RAB1B: variants seen among roughly 807,000 people sequenced by gnomAD.
The protein encoded by RAB1B is ras-related protein Rab-1B.
A neutral mutation model predicts 24.8 loss-of-function variants in RAB1B; 10 were observed. The observed-to-expected ratio is 0.40, with a 90% CI of 0.25 to 0.68. The LOEUF (loss-of-function observed/expected upper bound fraction) is 0.68, where lower values mean the gene tolerates loss of function less well. RAB1B is among the 30% of genes least tolerant of loss of function. RAB1B has a pLI of 0.37. For synonymous variants in RAB1B, 99 were observed against 111.7 expected, an observed-to-expected ratio of 0.89 and a Z score of 0.72; for missense variants, 154 against 271.2, an observed-to-expected ratio of 0.57 and a Z score of 3.04.
intron 4 of RAB1B, 114 bp downstream of exon 4, chr11:66,272,574 G>A (rs1280773605): frequency 2.8e-6 from 2 of 719,278 alleles, no homozygotes; most frequent in Non-Finnish European, 4.6e-6. Context: ...GACACTATTT[G>A]TCTGCTTACA....
chr11:66,272,521 T>G (rs1001690799), intron 4 of RAB1B, 61 bp downstream of exon 4: 1 of 1,082,300 alleles, frequency 9.2e-7, no homozygotes. Context: ...TGACTCTTCT[T>G]TTTCCTCCTT....
rs554046970 is a variant in RAB1B at position 66,268,902 on chromosome 11, G to C, written c.14+209G>C. On this transcript the variant is annotated intron_variant, in intron 1 of 5. Transcript: ENST00000311481. ...TCAAAACCCCGAGCCCTCGCACCCG[G>C]GGCCCAGACGTGGCGACCCCCAGGG... Among the ~76,000 whole-genome samples, 18 of 113,166 alleles carry C rather than the reference G, an allele frequency of 1.6e-4. No individual in the cohort carries two copies. In the East Asian group the frequency reaches 4.3e-3, roughly 27 times the overall value. The allele number at this position is 113,166 out of a possible 152,430, so 74.2% of individuals were successfully genotyped here. A position where few individuals can be genotyped will look rare whatever the true frequency, so the allele number is the denominator to read the frequency against.
At chr11:66,275,770 G>A (rs1409001613) in intron 4 of RAB1B, 34 bp from the exon 5 acceptor site, 4 of 1,552,066 alleles carry the variant, frequency 2.6e-6, no homozygotes, top group Non-Finnish European at 3.5e-6. Flanking sequence ...TGACAGTTGG[G>A]AGCAAAATAA....
At chr11:66,275,740 C>T (rs1857130831) in intron 4 of RAB1B, 64 bp from the exon 5 acceptor site, 1 of 1,523,028 alleles carries the variant, frequency 6.6e-7, no homozygotes, top group East Asian at 2.5e-5. Flanking sequence ...AGAAGGTCTT[C>T]TCCAGGCCTG....
At position 66,271,488 on chromosome 11, in the gene RAB1B, CAAAAAAA is replaced by C. The variant is rs71270565; in HGVS notation, c.15-289_15-283del. 5.6e-3 allele frequency: 274 copies of C among 48,502 alleles called. 1 individual carries two copies. The highest frequency in any genetic ancestry group is 0.012 in the African/African-American group (120 of 10,408). The allele number at this position is 48,502 out of a possible 1,614,324, so 3.0% of individuals were successfully genotyped here. On this transcript the variant is annotated intron_variant, in intron 1 of 5. Coordinates refer to ENST00000311481, the MANE Select transcript of RAB1B (RefSeq NM_030981.3). ...GGGCAACAAGAGCAAAACTCAGTCT[CAAAAAAA>C]AAAAAAAAAAAAAAAAAAATTAGCT...
intron 1 of RAB1B, chr11:66,270,798 T>C (rs1359759675): frequency 2.0e-5 from 3 of 152,332 alleles, no homozygotes; most frequent in Admixed American, 2.0e-4. Context: ...TCTGCCAAGC[T>C]AGGCACACGC....
chr11:66,271,797 T>G lies in RAB1B; in HGVS notation c.15T>G (p.Tyr5Ter). The G allele has an allele frequency of 6.2e-7, 1 of 1,613,610 alleles. No individual in the cohort carries two copies. Among genetic ancestry groups the G allele is most frequent in the Non-Finnish European group, 8.5e-7 (1 of 1,179,542 alleles). MNPE[Y>*]DYLFKLLLIG... ...ACGCCTTCCCATCTTCTCTCTCCAG[T>G]GACTACCTGTTTAAGCTGCTTTTGA... The change falls in exon 2 of 6, where the codon TAT (tyrosine) becomes TAG (stop). Residue 5 changes from tyrosine (Y) to a stop codon, truncating the protein, a stop_gained and splice_region_variant. Transcript: ENST00000311481. LOFTEE classifies it high-confidence loss of function.
At chr11:66,269,306 C>G (rs989449195) in intron 1 of RAB1B, among the ~76,000 whole-genome samples, 1 of 152,166 alleles carries the variant, frequency 6.6e-6, no homozygotes, top group East Asian at 1.9e-4. Flanking sequence ...CCCGCCCTCT[C>G]CTCGCTTTTG....
chr11:66,270,304 G>A (rs2034498692), intron 1 of RAB1B: 1 of 152,036 alleles, frequency 6.6e-6, no homozygotes, highest in Non-Finnish European at 1.5e-5. Context: ...GGTTAGCCGG[G>A]TGCGGTGGCT....
In RAB1B at chr11:66,268,646, A is replaced by T; in HGVS notation, c.-34A>T. 1 of 1,558,716 alleles carries T rather than the reference A, an allele frequency of 6.4e-7. No homozygotes were observed. The highest frequency in any genetic ancestry group is 1.2e-5 in the South Asian group (1 of 83,884). Reference sequence around the variant, plus strand: ...TGGAACGGGAGGCGGAGCAGAGTCGACTGGGAGCGACCGAGCGGGCCGCCG... The same window carrying T: ...TGGAACGGGAGGCGGAGCAGAGTCGTCTGGGAGCGACCGAGCGGGCCGCCG... On this transcript the variant is annotated 5_prime_UTR_variant, in exon 1 of 6. Coordinates refer to ENST00000311481, the MANE Select transcript of RAB1B (RefSeq NM_030981.3).
Position 66,272,466 on chromosome 11 carries a change from C to G in RAB1B, c.279+6C>G, listed in dbSNP as rs1449676394. The stretch of plus-strand genomic sequence containing the variant: ...TGTATGACGTCACTGACCAGGTACT[C>G]CTGGACTAGCCATCCTCAGCTTGGC... On this transcript the variant is annotated splice_donor_region_variant and intron_variant, in intron 4 of 5. Coordinates refer to ENST00000311481, the MANE Select transcript of RAB1B (RefSeq NM_030981.3). 6.4e-7 allele frequency: 1 copy of G among 1,558,680 alleles called. No homozygotes were observed. The highest frequency in any genetic ancestry group is 8.7e-7 in the Non-Finnish European group (1 of 1,148,062).
rs199961685 is a variant in RAB1B, at chr11:66,275,893, C to A, written c.369C>A (p.Ser123Arg). The part of the protein sequence containing the change: ...NVNKLLVGNK[S>R]DLTTKKVVDN... Reference sequence around the variant, plus strand: ...ATAAGCTCCTGGTGGGCAACAAGAGCGACCTCACCACCAAGAAGGTGGTGG... The same window carrying A: ...ATAAGCTCCTGGTGGGCAACAAGAGAGACCTCACCACCAAGAAGGTGGTGG... The change falls in exon 5 of 6, where the codon AGC becomes AGA. Residue 123 changes from serine to arginine, a missense_variant. Physicochemically the swap from Ser to Arg is moderately radical, Grantham distance 110. Transcript: ENST00000311481. 2 of 1,609,406 alleles carry A rather than the reference C, an allele frequency of 1.2e-6. No individual in the cohort carries two copies. The highest frequency in any genetic ancestry group is 1.6e-4 in the Middle Eastern group (1 of 6,076).
At chr11:66,274,445 C>T (rs1247185507) in intron 4 of RAB1B, among the ~76,000 whole-genome samples, 1 of 152,192 alleles carries the variant, frequency 6.6e-6, no homozygotes, top group African/African-American at 2.4e-5. Context: ...CAGTAAATGG[C>T]TGAGCCAGGC....
chr11:66,274,509 G>A (rs989708941), intron 4 of RAB1B, among the ~76,000 whole-genome samples: 4 of 152,104 alleles, frequency 2.6e-5, no homozygotes, highest in African/African-American at 7.2e-5. Context: ...CTCAGTGCAC[G>A]TTCTCTTCCC....
chr11:66,274,660 CTT>C (rs1857112810), intron 4 of RAB1B, among the ~76,000 whole-genome samples: 2 of 152,162 alleles, frequency 1.3e-5, no homozygotes, highest in African/African-American at 4.8e-5. Context: ...AAGTCCAAGA[CTT>C]AGCCATGCTA....
rs1565182592 is a variant in RAB1B at position 66,276,004 on chromosome 11, CCTCTT to C, written c.412-35_412-31del. On this transcript the variant is annotated intron_variant, in intron 5 of 5. Coordinates refer to ENST00000311481, the MANE Select transcript of RAB1B (RefSeq NM_030981.3). ...TGCTGCCCCTCACCTGCTCTCCCCT[CCTCTT>C]CTCTCCCCTCCTCTTCTCTCCTCTC... 6 of 1,589,392 alleles carry C rather than the reference CCTCTT, an allele frequency of 3.8e-6. No homozygotes were observed. In the Admixed American group the frequency reaches 5.2e-5, roughly 14 times the overall value.
chr11:66,277,157 A>G lies in RAB1B; in HGVS notation c.*919A>G, dbSNP rs1403016451. 6.5e-6 allele frequency: 1 copy of G among 152,730 alleles called. No homozygotes were observed. The highest frequency in any genetic ancestry group is 1.5e-5 in the Non-Finnish European group (1 of 68,100). The allele number at this position is 152,730 out of a possible 1,614,324, so 9.5% of individuals were successfully genotyped here. A position where few individuals can be genotyped will look rare whatever the true frequency, so the allele number is the denominator to read the frequency against. On this transcript the variant is annotated 3_prime_UTR_variant, in exon 6 of 6. Transcript: ENST00000311481. ...TCTCTGGGGAATGTGGGTTCCATCC[A>G]GGATTGGGGGCCTCTCTGCTCACCC...
At chr11:66,268,821 GA>G (rs1856990894) in intron 1 of RAB1B, 128 bp downstream of exon 1, 1 of 502,428 alleles carries the variant, frequency 2.0e-6, no homozygotes, top group Admixed American at 1.1e-4. Context: ...CTCTTCCGCT[GA>G]CCCCCCCCCA....
chr11:66,272,798 G>A (rs577288425), intron 4 of RAB1B, among the ~76,000 whole-genome samples: 4 of 152,096 alleles, frequency 2.6e-5, no homozygotes, highest in Non-Finnish European at 5.9e-5. Context: ...TCAGGCGGTT[G>A]GCTGCTATGC....
Sources: allele counts gnomAD v4.1 joint callset (sites outside exome capture counted in the v4.1 genomes callset), GRCh38; gene constraint gnomAD v4.1.1; transcripts MANE v1.5; gene names NCBI Gene and HGNC (gene_info 2026-07-23, HGNC 2026-07-21).